Variants in ANKS1B observed in about 807,000 individuals in gnomAD.
The protein encoded by ANKS1B is ankyrin repeat and sterile alpha motif domain containing 1B, also known as ankyrin repeat and sterile alpha motif domain-containing protein 1B.
In ANKS1B, 36 loss-of-function variants were observed where a neutral mutation model predicts 148.3. The ratio of observed to expected loss-of-function variants is 0.24; its 90% CI spans 0.19 to 0.32. The LOEUF (loss-of-function observed/expected upper bound fraction) is 0.32, where lower values mean the gene tolerates loss of function less well. Among genes scored for constraint, ANKS1B ranks in the 10% least tolerant of loss-of-function variants. ANKS1B has a pLI of 1.00. For missense variants in ANKS1B, 1,157 were observed against 1,542.6 expected (o/e 0.75, Z 4.19); for synonymous variants, 542 against 560.8 (o/e 0.97, Z 0.47).
intron 4 of ANKS1B, among the ~76,000 whole-genome samples, chr12:99,785,436 T>C (rs78468472): frequency 0.014 from 2,161 of 152,030 alleles, 56 homozygotes; most frequent in African/African-American, 0.049. Context: ...CTTTTTTTTT[T>C]CTGTTTTTCT....
At chr12:99,543,466 C>G (rs1030000277) in intron 9 of ANKS1B, among the ~76,000 whole-genome samples, 1 of 152,040 alleles carries the variant, frequency 6.6e-6, no homozygotes, top group African/African-American at 2.4e-5. Context: ...TATTCTACCT[C>G]TAGTTATATA....
At chr12:99,274,695 T>C (rs551112543) in intron 12 of ANKS1B, among the ~76,000 whole-genome samples, 1 of 152,382 alleles carries the variant, frequency 6.6e-6, no homozygotes, top group Admixed American at 6.5e-5. Context: ...TGTTATAGGA[T>C]ACTATAATAT....
At chr12:99,885,494 G>A (rs1337100499) in intron 1 of ANKS1B, among the ~76,000 whole-genome samples, 7 of 151,844 alleles carry the variant, frequency 4.6e-5, no homozygotes, top group Admixed American at 3.3e-4. Flanking sequence ...TGGTAGAGAC[G>A]GGGTTTCACC....
chr12:99,468,208 A>G lies in ANKS1B; in HGVS notation c.1439-24399T>C, dbSNP rs559816838. Reference sequence around the variant, plus strand: ...TGGGGAAAGGATTCCCTATTTAATAAATGGTGCTGGGAAAACTGGCTAGCC... The same window carrying G: ...TGGGGAAAGGATTCCCTATTTAATAGATGGTGCTGGGAAAACTGGCTAGCC... On this transcript the variant is annotated intron_variant, in intron 10 of 26. Transcript: ENST00000683438. Among the ~76,000 whole-genome samples, 156 of 152,222 alleles carry G rather than the reference A, an allele frequency of 1.0e-3. 1 individual carries two copies. The highest frequency in any genetic ancestry group is 2.5e-3 in the African/African-American group (103 of 41,542).
intron 17 of ANKS1B, among the ~76,000 whole-genome samples, chr12:98,836,907 T>C (rs2198796): frequency 0.02 from 3,066 of 152,298 alleles, 51 homozygotes; most frequent in Non-Finnish European, 0.032. Context: ...AAGGGGAACG[T>C]CTATGAACAG....
At chr12:98,943,904 G>T (rs1253605591) in intron 17 of ANKS1B, among the ~76,000 whole-genome samples, 1 of 152,174 alleles carries the variant, frequency 6.6e-6, no homozygotes, top group Non-Finnish European at 1.5e-5. Context: ...CCTCCTGGGA[G>T]GTGTTGGGTT....
chr12:99,322,749 A>G (rs1193303719), intron 12 of ANKS1B, among the ~76,000 whole-genome samples: 1 of 152,102 alleles, frequency 6.6e-6, no homozygotes, highest in Non-Finnish European at 1.5e-5. Context: ...CCCCATCCAA[A>G]TCTCATCTTG....
intron 14 of ANKS1B, among the ~76,000 whole-genome samples, chr12:99,236,325 GTTAT>G (rs1482023776): frequency 6.6e-6 from 1 of 152,158 alleles, no homozygotes; most frequent in Admixed American, 6.6e-5. Flanking sequence ...CTGAGACTGG[GTTAT>G]TTATAAAGAA....
At chr12:99,303,189 T>C (rs2154021626) in intron 12 of ANKS1B, among the ~76,000 whole-genome samples, 1 of 152,292 alleles carries the variant, frequency 6.6e-6, no homozygotes, top group Middle Eastern at 3.4e-3. Flanking sequence ...ATTTGTTACA[T>C]GGGGAAGGTG....
chr12:98,951,657 G>A (rs1445446393), intron 17 of ANKS1B, among the ~76,000 whole-genome samples: 1 of 152,036 alleles, frequency 6.6e-6, no homozygotes, highest in African/African-American at 2.4e-5. Flanking sequence ...CATTGCCCAA[G>A]CCCTGTCTGT....
chr12:99,047,269 G>T (rs368492764), intron 17 of ANKS1B, among the ~76,000 whole-genome samples: 2 of 152,076 alleles, frequency 1.3e-5, no homozygotes, highest in African/African-American at 2.4e-5. Context: ...ATGTGGTGTC[G>T]CATGCCTGCA....
chr12:99,653,815 T>C (rs1462270958), intron 9 of ANKS1B, among the ~76,000 whole-genome samples: 1 of 151,668 alleles, frequency 6.6e-6, no homozygotes, highest in Non-Finnish European at 1.5e-5. Flanking sequence ...GGGTGTGTAC[T>C]ACCACACCTG....
intron 10 of ANKS1B, among the ~76,000 whole-genome samples, chr12:99,461,000 G>A (rs568079186): frequency 3.5e-4 from 53 of 151,850 alleles, no homozygotes; most frequent in African/African-American, 1.2e-3. Context: ...CAGCCCAAAT[G>A]CCCATCAATC....
chr12:98,743,355 C>T (rs557237411), downstream of ANKS1B, among the ~76,000 whole-genome samples: 27 of 152,230 alleles, frequency 1.8e-4, no homozygotes, highest in South Asian at 1.7e-3. Flanking sequence ...TCAGATTTAT[C>T]ATAGAATACA....
intron 17 of ANKS1B, among the ~76,000 whole-genome samples, chr12:99,032,606 T>G (rs2099952933): frequency 6.6e-6 from 1 of 152,210 alleles, no homozygotes; most frequent in African/African-American, 2.4e-5. Context: ...CTAAATGAAT[T>G]AGATTTATAA....
chr12:98,890,215 A>C (rs1327674909), intron 17 of ANKS1B, among the ~76,000 whole-genome samples: 1 of 152,210 alleles, frequency 6.6e-6, no homozygotes, highest in Non-Finnish European at 1.5e-5. Context: ...GCTTTGTCCC[A>C]AATTTGGTTT....
At chr12:99,638,919 G>A (rs768699499) in intron 9 of ANKS1B, among the ~76,000 whole-genome samples, 4 of 152,222 alleles carry the variant, frequency 2.6e-5, no homozygotes, top group Non-Finnish European at 4.4e-5. Flanking sequence ...TCTTCAGAGG[G>A]TGCAAGCCCC....
chr12:98,864,619 C>T (rs1426816580), intron 17 of ANKS1B, among the ~76,000 whole-genome samples: 1 of 152,164 alleles, frequency 6.6e-6, no homozygotes, highest in Non-Finnish European at 1.5e-5. Flanking sequence ...CCTTTGGGAT[C>T]AAACTGCAGA....
At chr12:99,981,100 A>G (rs1246623797) in intron 1 of ANKS1B, among the ~76,000 whole-genome samples, 2 of 152,070 alleles carry the variant, frequency 1.3e-5, no homozygotes, top group African/African-American at 4.8e-5. Context: ...AAGGCCTTAA[A>G]GAATACAGTC....
Sources: gnomAD v4.1 joint callset for allele counts (sites outside exome capture counted in the v4.1 genomes callset) on GRCh38, gnomAD v4.1.1 for gene constraint, MANE v1.5 for transcripts, NCBI Gene and HGNC (gene_info 2026-07-23, HGNC 2026-07-21) for gene names.